The following LIG3 variants were observed in gnomAD, a reference collection of about 807,000 sequenced individuals.
LIG3 encodes DNA ligase 3.
Under a neutral mutation model 110.9 loss-of-function variants are expected in LIG3, and 58 were observed. The observed-to-expected ratio is 0.52, with a 90% confidence interval of 0.42 to 0.65. The LOEUF (loss-of-function observed/expected upper bound fraction) is 0.65, where lower values mean the gene tolerates loss of function less well. LIG3 is among the 30% of genes least tolerant of loss of function. The pLI is 0.00. For synonymous variants in LIG3, 422 were observed against 472.8 expected, an observed-to-expected ratio of 0.89 and a Z score of 1.39; for missense variants, 1,094 against 1,273.8, an observed-to-expected ratio of 0.86 and a Z score of 2.15.
At chr17:34,994,186 C>A (rs1174235207) in intron 8 of LIG3, 90 bp from the exon 9 acceptor site, 2 of 1,273,668 alleles carry the variant, frequency 1.6e-6, no homozygotes, top group Non-Finnish European at 2.2e-6. Context: ...CAGGTAACTA[C>A]CCTCACTAAC....
intron 3 of LIG3, among the ~76,000 whole-genome samples, chr17:34,989,102 A>G (rs2090689849): frequency 6.6e-6 from 1 of 151,886 alleles, no homozygotes; most frequent in East Asian, 1.9e-4. Context: ...TTGGCCTCGC[A>G]TAGTGTTAGG....
chr17:35,000,255 TTTTTG>T (rs998693618), intron 16 of LIG3, among the ~76,000 whole-genome samples: 3 of 152,192 alleles, frequency 2.0e-5, no homozygotes, highest in African/African-American at 7.2e-5. Context: ...GCTTTTTTGG[TTTTTG>T]TTTTGTTTTG....
chr17:35,003,323 A>C, intron 19 of LIG3: 2 of 527,266 alleles, frequency 3.8e-6, no homozygotes, highest in Non-Finnish European at 6.3e-6. Context: ...TTTTTGAGAT[A>C]AGTCTCGCTC....
intron 2 of LIG3, among the ~76,000 whole-genome samples, chr17:34,983,857 A>G (rs1229151769): frequency 6.6e-6 from 1 of 152,258 alleles, no homozygotes; most frequent in African/African-American, 2.4e-5. Flanking sequence ...GATTAAAAAT[A>G]GTACAAAGAA....
chr17:34,994,104 G>A, intron 8 of LIG3, 172 bp from the exon 9 acceptor site: 1 of 565,956 alleles, frequency 1.8e-6, no homozygotes, highest in Non-Finnish European at 3.1e-6. Context: ...ACATTGCCCA[G>A]CCCTTTCCGT....
At chr17:34,998,963 T>C (rs926001730) in intron 14 of LIG3, 7 of 522,344 alleles carry the variant, frequency 1.3e-5, no homozygotes, top group South Asian at 3.0e-5. Context: ...TTACCACCAA[T>C]TATTTCGTCA....
chr17:34,996,355 TCTC>T, intron 10 of LIG3, 160 bp downstream of exon 10: 1 of 984,076 alleles, frequency 1.0e-6, no homozygotes, highest in Non-Finnish European at 1.5e-6. Context: ...CTTTTGTTTT[TCTC>T]CTAAAAAGGG....
In LIG3 at chr17:34,999,409, C is replaced by T; in HGVS notation, c.2216C>T (p.Ala739Val). The T allele has an allele frequency of 6.2e-7, 1 of 1,614,072 alleles. No individual in the cohort carries two copies. Among genetic ancestry groups the T allele is most frequent in the Middle Eastern group, 1.7e-4 (1 of 6,060 alleles). The change falls in exon 15 of 20, where the codon GCC becomes GTC. Residue 739 changes from alanine (A) to valine (V), a missense_variant. Ala to Val is a moderately conservative substitution (Grantham distance 64). Transcript: ENST00000378526. Reference protein sequence around the residue: ...CAGGHDDATLARLQNELDMVK... With the variant: ...CAGGHDDATLVRLQNELDMVK... ...GGAGGCCATGATGATGCCACGCTTG[C>T]CCGCCTGCAGAATGAACTAGACATG...
chr17:34,996,436 T>C, intron 10 of LIG3, 138 bp from the exon 11 acceptor site: 1 of 829,586 alleles, frequency 1.2e-6, no homozygotes, highest in Non-Finnish European at 1.9e-6. Flanking sequence ...AGTGCCCTTA[T>C]GGCCCAGGGG....
At position 35,007,267 on chromosome 17, in the gene LIG3, T is replaced by G. The variant is rs2090901923; in HGVS notation, c.*2761T>G. On this transcript the variant is annotated 3_prime_UTR_variant, in exon 20 of 20. Transcript: ENST00000378526. Reference sequence around the variant, plus strand: ...TCATCTTGTCCCTTCTCTGCCTTAGTGTGTGTTATTGCCATTTCAATGTCA... The same window carrying G: ...TCATCTTGTCCCTTCTCTGCCTTAGGGTGTGTTATTGCCATTTCAATGTCA... 1 of 152,292 alleles carries G rather than the reference T, an allele frequency of 6.6e-6. No individual in the cohort carries two copies. Among genetic ancestry groups the G allele is most frequent in the African/African-American group, 2.4e-5 (1 of 41,462 alleles). The allele number at this position is 152,292 out of a possible 1,614,324, so 9.4% of individuals were successfully genotyped here. A position where few individuals can be genotyped will look rare whatever the true frequency, so the allele number is the denominator to read the frequency against.
intron 8 of LIG3, 74 bp downstream of exon 8, chr17:34,992,766 G>C (rs1181499766): frequency 2.8e-6 from 4 of 1,407,626 alleles, no homozygotes; most frequent in African/African-American, 1.4e-5. Context: ...ATCAGATAGG[G>C]TATGAGTGTT....
chr17:35,003,075 T>G, intron 19 of LIG3: 1 of 1,613,922 alleles, frequency 6.2e-7, no homozygotes, highest in Non-Finnish European at 8.5e-7. Context: ...CAGGAGAGAC[T>G]GCAGGGACTC....
chr17:34,984,143 A>G (rs528715806), intron 2 of LIG3, among the ~76,000 whole-genome samples: 3 of 152,320 alleles, frequency 2.0e-5, no homozygotes, highest in Non-Finnish European at 4.4e-5. Flanking sequence ...CCATCTGTAT[A>G]CTATTTTGTC....
rs2090908141 is a variant in LIG3, at chr17:35,008,018, G to A, written c.*3512G>A. ...AGCCTCCCAAAGTGCTGGGATTACAGGCGTGAGCCATGGCGCCCAGCCTGG... is the reference window on the plus strand; with the variant it reads ...AGCCTCCCAAAGTGCTGGGATTACAAGCGTGAGCCATGGCGCCCAGCCTGG... On this transcript the variant is annotated 3_prime_UTR_variant, in exon 20 of 20. Transcript: ENST00000378526. 6.6e-6 allele frequency: 1 copy of A among 152,290 alleles called. No individual in the cohort carries two copies. The highest frequency in any genetic ancestry group is 1.5e-5 in the Non-Finnish European group (1 of 68,118). The allele number at this position is 152,290 out of a possible 1,614,324, so 9.4% of individuals were successfully genotyped here.
In LIG3 at chr17:35,005,728, A is replaced by G. The variant is rs774142907; in HGVS notation, c.*1222A>G. 1.2e-5 allele frequency: 7 copies of G among 563,568 alleles called. No homozygotes were observed. The highest frequency in any genetic ancestry group is 3.0e-4 in the Middle Eastern group (1 of 3,330). 34.9% of individuals were successfully genotyped at this position (563,568 alleles called of 1,614,324 possible). On this transcript the variant is annotated 3_prime_UTR_variant, in exon 20 of 20. Transcript: ENST00000378526. ...TTCATGTGAATGAAACTGCCGGGCT[A>G]TCTGATGGGTTAGAGCGCCTTTAAG...
chr17:34,990,603 T>TTG (rs1362823366), intron 4 of LIG3, among the ~76,000 whole-genome samples: 5 of 151,904 alleles, frequency 3.3e-5, no homozygotes, highest in Middle Eastern at 3.4e-3. Flanking sequence ...TTATTTATTT[T>TTG]TGTGTGTGTG....
At position 34,983,521 on chromosome 17, in the gene LIG3, T is replaced by G; in HGVS notation, c.516T>G (p.Asn172Lys). ...AAGGCTGGGAAGAGCTGGAAGATAA[T>G]GAGAAGGAACAGATAACCCAGCACA... The part of the protein sequence containing the change: ...ELEGWEELED[N>K]EKEQITQHIA... The change falls in exon 2 of 20, where the codon AAT becomes AAG. Residue 172 changes from asparagine (N) to lysine (K), a missense_variant. Coordinates refer to ENST00000378526, the MANE Select transcript of LIG3 (RefSeq NM_013975.4). 3 of 1,613,738 alleles carry G rather than the reference T, an allele frequency of 1.9e-6. No individual in the cohort carries two copies. Among genetic ancestry groups the G allele is most frequent in the Non-Finnish European group, 2.5e-6 (3 of 1,179,920 alleles).
intron 9 of LIG3, among the ~76,000 whole-genome samples, chr17:34,995,282 T>C (rs562305316): frequency 2.0e-5 from 3 of 152,306 alleles, no homozygotes; most frequent in African/African-American, 7.2e-5. Context: ...GGCTAAGCAG[T>C]GGCCTCATTG....
chr17:34,992,885 G>C (rs562398893), intron 8 of LIG3, among the ~76,000 whole-genome samples, 193 bp downstream of exon 8: 24 of 152,228 alleles, frequency 1.6e-4, no homozygotes, highest in Admixed American at 3.3e-4. Context: ...GGATCTAGTG[G>C]AAAGACCTGA....
Sources: gnomAD v4.1 joint callset for allele counts (sites outside exome capture counted in the v4.1 genomes callset) on GRCh38, gnomAD v4.1.1 for gene constraint, MANE v1.5 for transcripts, NCBI Gene and HGNC (gene_info 2026-07-23, HGNC 2026-07-21) for gene names.